UBE2E2: variants seen among roughly 807,000 people sequenced by gnomAD.
UBE2E2 encodes the protein ubiquitin conjugating enzyme E2 E2.
UBE2E2 carries 6 observed loss-of-function variants against 24.7 expected under a neutral mutation model. The observed-to-expected ratio is 0.24, with a 90% confidence interval of 0.13 to 0.48. The LOEUF (loss-of-function observed/expected upper bound fraction) is 0.48, where lower values mean the gene tolerates loss of function less well. UBE2E2 is among the 20% of genes least tolerant of loss of function. The pLI, the probability that UBE2E2 is intolerant of heterozygous loss-of-function variation, is 0.99. For synonymous variants in UBE2E2, 104 were observed against 83.6 expected, an observed-to-expected ratio of 1.24 and a Z score of -1.33; for missense variants, 169 against 245.0, an observed-to-expected ratio of 0.69 and a Z score of 2.07.
In UBE2E2 at chr3:23,501,691, C is replaced by T. The variant is rs1204788617; in HGVS notation, c.360+1951C>T. On this transcript the variant is annotated intron_variant, in intron 4 of 5. Coordinates refer to ENST00000396703, the MANE Select transcript of UBE2E2 (RefSeq NM_152653.4). ...TGGTTGGATGGGACAAAAATAGAAG[C>T]AGGAGGGTGTCAGTTACCGGGAAGT... 6.2e-4 allele frequency among the ~76,000 whole-genome samples: 95 copies of T among 152,098 alleles called. 1 individual carries two copies. Among genetic ancestry groups the T allele is most frequent in the Admixed American group, 6.2e-3 (95 of 15,280 alleles).
chr3:23,504,517 G>A (rs1450526458), intron 4 of UBE2E2, among the ~76,000 whole-genome samples: 3 of 152,162 alleles, frequency 2.0e-5, no homozygotes, highest in Middle Eastern at 3.4e-3. Context: ...TTGACAAATC[G>A]TGCTCCAGAA....
chr3:23,441,668 T>C (rs1194243422), intron 3 of UBE2E2, among the ~76,000 whole-genome samples: 1 of 152,194 alleles, frequency 6.6e-6, no homozygotes, highest in Non-Finnish European at 1.5e-5. Flanking sequence ...GGGGCAGGCC[T>C]CTAGCACTGC....
chr3:23,308,703 T>C (rs548977386), intron 3 of UBE2E2, among the ~76,000 whole-genome samples: 13 of 152,168 alleles, frequency 8.5e-5, no homozygotes, highest in Non-Finnish European at 1.9e-4. Flanking sequence ...CAATAAGATA[T>C]ATATACAAAA....
chr3:23,590,142 A>G lies in UBE2E2; in HGVS notation c.*311A>G, dbSNP rs144308667. On this transcript the variant is annotated 3_prime_UTR_variant, in exon 6 of 6. Transcript: ENST00000396703. ...CAGTGCAAACAATGTTGGAGCTGTAATAGTAAGAGCTTTCTTACAAAGCTT... is the reference window on the plus strand; with the variant it reads ...CAGTGCAAACAATGTTGGAGCTGTAGTAGTAAGAGCTTTCTTACAAAGCTT... The G allele has an allele frequency of 7.5e-6, 2 of 267,922 alleles. No individual in the cohort carries two copies. Among genetic ancestry groups the G allele is most frequent in the African/African-American group, 4.4e-5 (2 of 45,406 alleles). The allele number at this position is 267,922 out of a possible 1,614,324, so 16.6% of individuals were successfully genotyped here.
chr3:23,373,291 A>G (rs540103831), intron 3 of UBE2E2, among the ~76,000 whole-genome samples: 6 of 152,330 alleles, frequency 3.9e-5, no homozygotes, highest in Admixed American at 1.3e-4. Context: ...TGGAGATACT[A>G]TATGAAAAGG....
intron 4 of UBE2E2, among the ~76,000 whole-genome samples, chr3:23,519,504 A>G (rs1247456411): frequency 5.9e-5 from 9 of 152,216 alleles, no homozygotes; most frequent in Admixed American, 3.9e-4. Context: ...TGTTTAAACA[A>G]TATTCACTAG....
At chr3:23,263,265 A>T (rs1333488681) in intron 3 of UBE2E2, among the ~76,000 whole-genome samples, 1 of 152,360 alleles carries the variant, frequency 6.6e-6, no homozygotes, top group South Asian at 2.1e-4. Context: ...TAAATCTTTT[A>T]TACAGATATT....
At chr3:23,554,636 G>A (rs1695730798) in intron 5 of UBE2E2, among the ~76,000 whole-genome samples, 1 of 152,156 alleles carries the variant, frequency 6.6e-6, no homozygotes, top group Admixed American at 6.5e-5. Context: ...AAGAAAACGT[G>A]GGTAAAAGCT....
intron 4 of UBE2E2, among the ~76,000 whole-genome samples, chr3:23,530,911 C>A (rs542436039): frequency 2.0e-5 from 3 of 152,070 alleles, no homozygotes; most frequent in African/African-American, 7.2e-5. Context: ...CAGCTTGTTG[C>A]GCTTACTATA....
intron 3 of UBE2E2, among the ~76,000 whole-genome samples, chr3:23,410,356 T>C (rs144109361): frequency 3.1e-4 from 47 of 152,308 alleles, no homozygotes; most frequent in African/African-American, 1.1e-3. Context: ...TTTCCTCTTT[T>C]AAATTTTTCA....
intron 3 of UBE2E2, among the ~76,000 whole-genome samples, chr3:23,276,106 A>T (rs1208269158): frequency 1.3e-5 from 2 of 152,080 alleles, no homozygotes; most frequent in Non-Finnish European, 2.9e-5. Flanking sequence ...GATGCCAGTG[A>T]AAGTAAGGTG....
Position 23,589,690 on chromosome 3 carries a change from A to G in UBE2E2, c.509-44A>G, listed in dbSNP as rs1463819110. 1.3e-6 allele frequency: 2 copies of G among 1,598,434 alleles called. No individual in the cohort carries two copies. The highest frequency in any genetic ancestry group is 2.2e-5 in the East Asian group (1 of 44,718). On this transcript the variant is annotated intron_variant, in intron 5 of 5. Coordinates refer to ENST00000396703, the MANE Select transcript of UBE2E2 (RefSeq NM_152653.4). This position sits in a 1 kb window ranked among gnomAD's most constrained non-coding sequence, Gnocchi z 4.1. ...CAGCTTTCTGAACACTTCTTCCCCCACAGTGCTGGTATTTACTGACTCCCA... is the reference window on the plus strand; with the variant it reads ...CAGCTTTCTGAACACTTCTTCCCCCGCAGTGCTGGTATTTACTGACTCCCA...
At chr3:23,475,478 C>A (rs1699107627) in intron 3 of UBE2E2, among the ~76,000 whole-genome samples, 1 of 151,972 alleles carries the variant, frequency 6.6e-6, no homozygotes, top group Non-Finnish European at 1.5e-5. Context: ...CACTATAAAG[C>A]CCTGTAACTG....
chr3:23,577,595 A>G (rs1696373557), intron 5 of UBE2E2, among the ~76,000 whole-genome samples: 1 of 152,254 alleles, frequency 6.6e-6, no homozygotes, highest in Non-Finnish European at 1.5e-5. Context: ...GGAACAAGGC[A>G]GGTGCAAGAT....
chr3:23,318,605 G>C (rs1694649278), intron 3 of UBE2E2, among the ~76,000 whole-genome samples: 1 of 152,134 alleles, frequency 6.6e-6, no homozygotes, highest in African/African-American at 2.4e-5. Flanking sequence ...TGTGGTGGCA[G>C]GCATGAGAGA....
intron 3 of UBE2E2, among the ~76,000 whole-genome samples, chr3:23,335,997 C>A (rs945192476): frequency 1.3e-5 from 2 of 152,188 alleles, no homozygotes; most frequent in African/African-American, 4.8e-5. Flanking sequence ...TCATCATTCT[C>A]TCAGACATGA....
chr3:23,241,722 G>A (rs1697264690), intron 3 of UBE2E2, among the ~76,000 whole-genome samples: 1 of 152,056 alleles, frequency 6.6e-6, no homozygotes, highest in Non-Finnish European at 1.5e-5. Flanking sequence ...TAACTGTGTT[G>A]TGTATTCCCT....
intron 3 of UBE2E2, among the ~76,000 whole-genome samples, chr3:23,331,193 A>G (rs1467564255): frequency 1.3e-5 from 2 of 152,198 alleles, no homozygotes; most frequent in Non-Finnish European, 2.9e-5. Context: ...CACTTTTAAA[A>G]TGTAGAAAAT....
At chr3:23,306,343 A>G (rs938560097) in intron 3 of UBE2E2, among the ~76,000 whole-genome samples, 65 of 152,226 alleles carry the variant, frequency 4.3e-4, no homozygotes, top group African/African-American at 1.5e-3. Context: ...GGAAAGAAAT[A>G]CAATTATTTA....
Sources: gnomAD v4.1 joint callset for allele counts (sites outside exome capture counted in the v4.1 genomes callset) on GRCh38, gnomAD v4.1.1 for gene constraint, Gnocchi (gnomAD v3.1) non-coding constraint, MANE v1.5 for transcripts, NCBI Gene and HGNC (gene_info 2026-07-23, HGNC 2026-07-21) for gene names.